ATAD3B: variants seen among roughly 807,000 people sequenced by gnomAD.
ATAD3B encodes the protein ATPase family AAA domain containing 3B.
In ATAD3B, 59 loss-of-function variants were observed where a neutral mutation model predicts 70.2. The observed-to-expected ratio is 0.84, with a 90% CI of 0.68 to 1.04. The LOEUF is 1.04. Ranked by LOEUF, ATAD3B falls within the 50% of genes least tolerant of loss-of-function variation. The pLI, the probability that ATAD3B is intolerant of heterozygous loss-of-function variation, is 0.00. For missense variants in ATAD3B, 961 were observed against 913.4 expected (o/e 1.05, Z -0.67); for synonymous variants, 423 against 388.6 (o/e 1.09, Z -1.04).
chr1:1,499,419 T>C (rs982705704), downstream of ATAD3B, among the ~76,000 whole-genome samples: 1 of 150,392 alleles, frequency 6.6e-6, no homozygotes, highest in Admixed American at 6.7e-5. Context: ...GTATTTTTAG[T>C]AGAGAGGGGG....
chr1:1,480,671 C>G (rs573954919), intron 4 of ATAD3B, among the ~76,000 whole-genome samples, 196 bp from the exon 5 acceptor site: 3 of 146,982 alleles, frequency 2.0e-5, no homozygotes. Context: ...AGTTTGGGAC[C>G]CTGAACCCAT....
chr1:1,497,493 G>A lies in ATAD3B; in HGVS notation c.*1676G>A, dbSNP rs906052702. 2.0e-5 allele frequency: 3 copies of A among 149,830 alleles called. No individual in the cohort carries two copies. Among genetic ancestry groups the A allele is most frequent in the African/African-American group, 7.4e-5 (3 of 40,272 alleles). The allele number at this position is 149,830 out of a possible 1,614,324, so 9.3% of individuals were successfully genotyped here. On this transcript the variant is annotated 3_prime_UTR_variant, in exon 16 of 16. Transcript: ENST00000673477. ...AGATCCTCCCGCCTCTACAGGATGA[G>A]CCACCAAGCCTGGCCTCAATTCCTC...
chr1:1,472,245 C>G (rs565901349), intron 1 of ATAD3B, among the ~76,000 whole-genome samples, 156 bp downstream of exon 1: 2 of 152,108 alleles, frequency 1.3e-5, no homozygotes, highest in Non-Finnish European at 2.9e-5. Context: ...TCTCGCGTGC[C>G]GGGAGGATCG....
At chr1:1,486,316 C>T in intron 10 of ATAD3B, 81 bp downstream of exon 10, 1 of 1,606,354 alleles carries the variant, frequency 6.2e-7, no homozygotes, top group Non-Finnish European at 8.5e-7. Context: ...CCTCAGCCGC[C>T]TGGGGAATGG....
At position 1,489,255 on chromosome 1, in the gene ATAD3B, A is replaced by G. The variant is rs1383753169; in HGVS notation, c.1318A>G (p.Met440Val). 1.9e-6 allele frequency: 3 copies of G among 1,613,566 alleles called. No individual in the cohort carries two copies. ...CACACTGAACGCCTTCCTGTACCAC[A>G]TGGGCCAACACAGCAACAAGTGAGG... ...RATLNAFLYH[M>V]GQHSNKFMLV... The change falls in exon 13 of 16, where the codon ATG becomes GTG. Residue 440 changes from methionine (M) to valine (V), a missense_variant. Met to Val is a conservative substitution (Grantham distance 21). Coordinates refer to ENST00000673477, the MANE Select transcript of ATAD3B (RefSeq NM_031921.6).
At chr1:1,506,840 T>C in the ATAD3B span, among the ~76,000 whole-genome samples, 1 of 148,840 alleles carries the variant, frequency 6.7e-6, no homozygotes, top group African/African-American at 2.5e-5. Context: ...CAGGCTGGAG[T>C]GCAGTGGCAC....
intron 1 of ATAD3B, among the ~76,000 whole-genome samples, chr1:1,474,620 C>T (rs1357660172): frequency 6.6e-6 from 1 of 152,056 alleles, no homozygotes; most frequent in Non-Finnish European, 1.5e-5. Context: ...CTGCCTCAGC[C>T]TCCCGAGTAG....
chr1:1,484,893 C>T, intron 7 of ATAD3B, 123 bp from the exon 8 acceptor site: 1 of 1,436,392 alleles, frequency 7.0e-7, no homozygotes, highest in Non-Finnish European at 9.2e-7. Context: ...TCCTGTGGGG[C>T]CAGCACACGG....
In ATAD3B at chr1:1,495,424, C is replaced by A. The variant is rs888863859; in HGVS notation, c.1615-61C>A. 16 of 1,536,434 alleles carry A rather than the reference C, an allele frequency of 1.0e-5. 1 individual carries two copies. Among genetic ancestry groups the A allele is most frequent in the Non-Finnish European group, 1.4e-5 (16 of 1,138,476 alleles). On this transcript the variant is annotated intron_variant, in intron 15 of 15. Coordinates refer to ENST00000673477, the MANE Select transcript of ATAD3B (RefSeq NM_031921.6). ...GCCCCTCCCCACCTCGGGGCCCTGGCGTGCATTAAGGGTGGCGGGTTCCCA... is the reference window on the plus strand; with the variant it reads ...GCCCCTCCCCACCTCGGGGCCCTGGAGTGCATTAAGGGTGGCGGGTTCCCA...
In ATAD3B at chr1:1,480,504, A is replaced by C. The variant is rs1465814347; in HGVS notation, c.445-363A>C. On this transcript the variant is annotated intron_variant, in intron 4 of 15. Transcript: ENST00000673477. ...TCCTGAGCTCGCAGGCGGGGTTCAC[A>C]TGTTGCCTGTTGTGGGCATTGTAGC... Among the ~76,000 whole-genome samples the C allele has an allele frequency of 2.7e-5, 4 of 146,354 alleles. 1 individual carries two copies. Among genetic ancestry groups the C allele is most frequent in the Non-Finnish European group, 4.5e-5 (3 of 67,076 alleles).
Position 1,485,822 on chromosome 1 carries a change from A to T in ATAD3B, c.947A>T (p.Glu316Val). ...RLLSRPQDVL[E>V]GVVLSPSLEA... The stretch of plus-strand genomic sequence containing the variant: ...CTCAGTCGACCCCAGGACGTGCTGG[A>T]GGGTGTTGTGCTTAGTGTAAGTCGG... Residue 316 changes from glutamate to valine, a missense_variant, in exon 9 of 16, where the codon GAG becomes GTG. Physicochemically the swap from Glu to Val is moderately radical, Grantham distance 121. This residue lies in a region of ATAD3B where 349 missense variants were observed against 307.5 expected (regional missense o/e 1.14). Coordinates refer to ENST00000673477, the MANE Select transcript of ATAD3B (RefSeq NM_031921.6). 1 of 1,612,750 alleles carries T rather than the reference A, an allele frequency of 6.2e-7. No homozygotes were observed.
downstream of ATAD3B, among the ~76,000 whole-genome samples, chr1:1,502,507 A>ATTT (rs1177153786): frequency 2.1e-4 from 17 of 82,830 alleles, no homozygotes; most frequent in Non-Finnish European, 4.3e-4. Flanking sequence ...CGTGCCCAGC[A>ATTT]TTTTTTTTTT....
rs1367134971 is a variant in ATAD3B, at chr1:1,486,808, G to A, written c.1214+140G>A. ...GTGGCCACGCAGGAGGCCCAATGGAGGGTCCCTCGGAGGGAAAGTCCCCTG... is the reference window on the plus strand; with the variant it reads ...GTGGCCACGCAGGAGGCCCAATGGAAGGTCCCTCGGAGGGAAAGTCCCCTG... On this transcript the variant is annotated intron_variant, in intron 11 of 15. Transcript: ENST00000673477. The A allele has an allele frequency of 5.4e-6, 8 of 1,479,518 alleles. 1 individual carries two copies. The East Asian group carries it at 2.0e-4, about 36-fold the overall frequency. 91.6% of individuals were successfully genotyped at this position (1,479,518 alleles called of 1,614,324 possible). A position where few individuals can be genotyped will look rare whatever the true frequency, so the allele number is the denominator to read the frequency against.
chr1:1,494,396 G>T (rs1640675832), intron 15 of ATAD3B, among the ~76,000 whole-genome samples: 1 of 151,486 alleles, frequency 6.6e-6, no homozygotes, highest in African/African-American at 2.4e-5. Context: ...CAAAAATGAT[G>T]TTGAGCAGTC....
rs529443846 is a variant in ATAD3B at position 1,476,563 on chromosome 1, C to T, written c.206-711C>T. Reference sequence around the variant, plus strand: ...TCTTGCTGTCTCCCCCGCTGGAGTGCATTGCTTCGATCTCTGCTCACTGCA... The same window carrying T: ...TCTTGCTGTCTCCCCCGCTGGAGTGTATTGCTTCGATCTCTGCTCACTGCA... On this transcript the variant is annotated intron_variant, in intron 1 of 15. Coordinates refer to ENST00000673477, the MANE Select transcript of ATAD3B (RefSeq NM_031921.6). Among the ~76,000 whole-genome samples, 68 of 151,756 alleles carry T rather than the reference C, an allele frequency of 4.5e-4. 1 individual carries two copies. The highest frequency in any genetic ancestry group is 1.5e-4 in the Non-Finnish European group (10 of 67,880).
chr1:1,487,084 GA>G (rs1468322349), intron 11 of ATAD3B, among the ~76,000 whole-genome samples: 1 of 152,040 alleles, frequency 6.6e-6, no homozygotes, highest in Admixed American at 6.6e-5. Flanking sequence ...GTCCCACAGT[GA>G]CCCCGCGCAG....
chr1:1,488,410 T>C (rs1244380571), intron 12 of ATAD3B, among the ~76,000 whole-genome samples: 1 of 151,898 alleles, frequency 6.6e-6, no homozygotes, highest in Non-Finnish European at 1.5e-5. Context: ...GTAACGTTAG[T>C]AGAGATGGAG....
At chr1:1,503,774 T>A in the ATAD3B span, 1 of 1,487,284 alleles carries the variant, frequency 6.7e-7, no homozygotes, top group Non-Finnish European at 9.2e-7. Context: ...TGGGCAGCAG[T>A]GGGGTGCAGG....
At chr1:1,480,112 C>A (rs1248080179) in intron 4 of ATAD3B, among the ~76,000 whole-genome samples, 1 of 146,162 alleles carries the variant, frequency 6.8e-6, no homozygotes, top group Admixed American at 6.9e-5. Flanking sequence ...AACACACACA[C>A]GGGCACGTGT....
Sources: allele counts gnomAD v4.1 joint callset (sites outside exome capture counted in the v4.1 genomes callset), GRCh38; gene constraint gnomAD v4.1.1; regional missense constraint gnomAD v4.1.1; transcripts MANE v1.5; gene names NCBI Gene and HGNC (gene_info 2026-07-23, HGNC 2026-07-21).